PCDHGB3: variants seen among roughly 807,000 people sequenced by gnomAD.
PCDHGB3 encodes the protein protocadherin gamma subfamily B, 3, also known as protocadherin gamma-B3.
In PCDHGB3, 40 loss-of-function variants were observed where a neutral mutation model predicts 59.2. The observed-to-expected ratio is 0.68, with a 90% CI of 0.52 to 0.88. The LOEUF is 0.88. Among genes scored for constraint, PCDHGB3 ranks in the 40% least tolerant of loss-of-function variants. PCDHGB3 has a pLI of 0.00. For missense variants in PCDHGB3, 1,309 were observed against 1,187.9 expected (o/e 1.10, Z -1.50); for synonymous variants, 581 against 503.6 (o/e 1.15, Z -2.06).
chr5:141,372,783 C>T lies in PCDHGB3; in HGVS notation c.2389C>T (p.Pro797Ser), dbSNP rs1324941616. The change falls in exon 1 of 4, where the codon CCT becomes TCT. Residue 797 changes from proline to serine, a missense_variant. Pro to Ser is a moderately conservative substitution (Grantham distance 74, BLOSUM62 -1). Coordinates refer to ENST00000576222, the MANE Select transcript of PCDHGB3 (RefSeq NM_018924.5). ...TGAAAGTAATGACAATCCAGAAATG[C>T]CTTCTAATTCAGGCAATTTGCAAAA... ...WFESNDNPEMPSNSGNLQKQA... is the reference protein window; with the variant it reads ...WFESNDNPEMSSNSGNLQKQA... 5.0e-6 allele frequency: 8 copies of T among 1,606,014 alleles called. No homozygotes were observed. Among genetic ancestry groups the T allele is most frequent in the African/African-American group, 1.3e-5 (1 of 74,834 alleles).
intron 1 of PCDHGB3, chr5:141,374,319 C>A: frequency 6.2e-7 from 1 of 1,613,942 alleles, no homozygotes; most frequent in Non-Finnish European, 8.5e-7. Flanking sequence ...TCTCTGAATC[C>A]GCGAAACGGC....
In PCDHGB3 at chr5:141,395,547, TGTGTGTGTGTGTGTG is replaced by T. The variant is rs2093269943; in HGVS notation, c.2415+22739_2415+22753del. On this transcript the variant is annotated intron_variant, in intron 1 of 3. Coordinates refer to ENST00000576222, the MANE Select transcript of PCDHGB3 (RefSeq NM_018924.5). ...ACTGGTAATTTTGCTATTGTTTGTG[TGTGTGTGTGTGTGTG>T]TGTGTGTGTGTGTGTGTGTGTGTGT... 2.2e-3 allele frequency: 375 copies of T among 174,268 alleles called. 18 individuals carry two copies. The highest frequency in any genetic ancestry group is 5.2e-3 in the East Asian group (33 of 6,366). 10.8% of individuals were successfully genotyped at this position (174,268 alleles called of 1,614,324 possible). A position where few individuals can be genotyped will look rare whatever the true frequency, so the allele number is the denominator to read the frequency against.
At chr5:141,459,300 A>G (rs954766370) in intron 1 of PCDHGB3, among the ~76,000 whole-genome samples, 2 of 152,202 alleles carry the variant, frequency 1.3e-5, no homozygotes, top group Non-Finnish European at 2.9e-5. Context: ...ATCCTATAAC[A>G]TATACTATTT....
chr5:141,393,938 C>T lies in PCDHGB3; in HGVS notation c.2415+21129C>T, dbSNP rs537803893. The T allele has an allele frequency of 1.5e-5, 25 of 1,613,934 alleles. No homozygotes were observed. In the African/African-American group the frequency reaches 2.4e-4, roughly 15 times the overall value. ...CCTTCTTGAGTGTGCATGACCAAGA[C>T]TCTGGAAAGAATGGTCAAGTTGTCT... On this transcript the variant is annotated intron_variant, in intron 1 of 3. Transcript: ENST00000576222.
chr5:141,495,470 C>A (rs2099761615), intron 2 of PCDHGB3, among the ~76,000 whole-genome samples: 1 of 152,196 alleles, frequency 6.6e-6, no homozygotes, highest in African/African-American at 2.4e-5. Flanking sequence ...GTGGGGTCTC[C>A]GTGTCTCTGC....
chr5:141,377,672 C>G (rs529772336), intron 1 of PCDHGB3: 1 of 151,784 alleles, frequency 6.6e-6, no homozygotes, highest in East Asian at 1.9e-4. Context: ...GACGTTCATA[C>G]AAGAGATCTT....
intron 1 of PCDHGB3, among the ~76,000 whole-genome samples, chr5:141,473,413 G>A (rs1282997381): frequency 6.6e-6 from 1 of 152,156 alleles, no homozygotes; most frequent in Non-Finnish European, 1.5e-5. Context: ...CTTCTTCAGT[G>A]GGGGAAGCAG....
rs560582745 is a variant in PCDHGB3 at position 141,399,792 on chromosome 5, A to C, written c.2415+26983A>C. On this transcript the variant is annotated intron_variant, in intron 1 of 3. Transcript: ENST00000576222. ...TGGTGGGCGACCGAAACGACAACGCACCGCGGGTGCTGTACCCCGCGCTGG... is the reference window on the plus strand; with the variant it reads ...TGGTGGGCGACCGAAACGACAACGCCCCGCGGGTGCTGTACCCCGCGCTGG... 8 of 1,613,146 alleles carry C rather than the reference A, an allele frequency of 5.0e-6. No homozygotes were observed. The South Asian group carries it at 8.8e-5, about 18-fold the overall frequency.
At chr5:141,415,274 C>T (rs775112066) in intron 1 of PCDHGB3, 19 of 1,614,086 alleles carry the variant, frequency 1.2e-5, no homozygotes, top group Admixed American at 1.0e-4. Context: ...CTGGTGGTAG[C>T]GGTGGCCGCG....
At chr5:141,394,268 C>G in intron 1 of PCDHGB3, 1 of 1,613,946 alleles carries the variant, frequency 6.2e-7, no homozygotes, top group African/African-American at 1.3e-5. Flanking sequence ...AGGAGAATGC[C>G]CAGGTCACTT....
chr5:141,419,037 A>G, intron 1 of PCDHGB3: 1 of 1,613,972 alleles, frequency 6.2e-7, no homozygotes, highest in Middle Eastern at 1.6e-4. Flanking sequence ...GTTCCATTTA[A>G]GATTCATTCT....
intron 1 of PCDHGB3, chr5:141,382,996 T>C (rs1296495835): frequency 6.2e-7 from 1 of 1,613,724 alleles, no homozygotes; most frequent in East Asian, 2.2e-5. Context: ...ACGTATTCTC[T>C]ACTCCGTGTC....
In PCDHGB3 at chr5:141,476,839, G is replaced by T; in HGVS notation, c.2416-17968G>T. The T allele has an allele frequency of 1.9e-6, 3 of 1,613,610 alleles. No individual in the cohort carries two copies. Among genetic ancestry groups the T allele is most frequent in the East Asian group, 2.2e-5 (1 of 44,862 alleles). ...AGGTGCTGGACGCGAATGACAATGC[G>T]CCTGTCTTCAACCAGTCCTTGTACC... On this transcript the variant is annotated intron_variant, in intron 1 of 3. Coordinates refer to ENST00000576222, the MANE Select transcript of PCDHGB3 (RefSeq NM_018924.5). This position sits in a 1 kb window ranked among gnomAD's most constrained non-coding sequence, Gnocchi z 7.6.
At chr5:141,409,325 G>A (rs2095255437) in intron 1 of PCDHGB3, 1 of 1,613,984 alleles carries the variant, frequency 6.2e-7, no homozygotes, top group Non-Finnish European at 8.5e-7. Context: ...ACGGGATCTG[G>A]ATTTCGGAGG....
Position 141,432,410 on chromosome 5 carries a change from T to C in PCDHGB3, c.2415+59601T>C. On this transcript the variant is annotated intron_variant, in intron 1 of 3. Transcript: ENST00000576222. This position sits in a 1 kb window ranked among gnomAD's most constrained non-coding sequence, Gnocchi z 6.0. The stretch of plus-strand genomic sequence containing the variant: ...CAGCAGCAACGTGTCGTTGAGCCTG[T>C]TCGTGCTGGACCAGAACGACAATGC... 6.2e-7 allele frequency: 1 copy of C among 1,614,228 alleles called. No homozygotes were observed. Among genetic ancestry groups the C allele is most frequent in the East Asian group, 2.2e-5 (1 of 44,884 alleles).
At chr5:141,422,849 C>G in intron 1 of PCDHGB3, 1 of 1,614,238 alleles carries the variant, frequency 6.2e-7, no homozygotes, top group East Asian at 2.2e-5. Flanking sequence ...AGCGGGGACC[C>G]GCCCCTCAGC....
At chr5:141,453,001 G>C (rs1225973632) in intron 1 of PCDHGB3, among the ~76,000 whole-genome samples, 3 of 152,168 alleles carry the variant, frequency 2.0e-5, no homozygotes, top group African/African-American at 7.2e-5. Flanking sequence ...AAAGTTACCT[G>C]TAGTATAGTT....
Position 141,476,441 on chromosome 5 carries a change from GAGTTGGT to G in PCDHGB3, c.2416-18362_2416-18356del. 3 of 1,614,160 alleles carry G rather than the reference GAGTTGGT, an allele frequency of 1.9e-6. No homozygotes were observed. The South Asian group carries it at 3.3e-5, about 18-fold the overall frequency. ...ACTGCCCTCTTGCACTGTAACTCTG[GAGTTGGT>G]AGTGGAGAACCCGCTGGAGCTGTTC... On this transcript the variant is annotated intron_variant, in intron 1 of 3. Transcript: ENST00000576222. The surrounding 1 kb of genome is among the most constrained non-coding windows in gnomAD (Gnocchi z 7.6).
In PCDHGB3 at chr5:141,371,350, T is replaced by C; in HGVS notation, c.956T>C (p.Val319Ala). ...GAGAGAGATAGCTACACAATTGGGG[T>C]GGAAGCAAAGGATGGTGGACATCAC... is the stretch of plus-strand genomic sequence containing the variant. ...FEERDSYTIG[V>A]EAKDGGHHTA... Residue 319 changes from valine to alanine, a missense_variant, in exon 1 of 4, where the codon GTG becomes GCG. By Grantham distance (64) the Val-to-Ala change is moderately conservative. Transcript: ENST00000576222. 6.2e-7 allele frequency: 1 copy of C among 1,613,854 alleles called. No homozygotes were observed. The highest frequency in any genetic ancestry group is 8.5e-7 in the Non-Finnish European group (1 of 1,179,872).
Sources: gnomAD v4.1 joint callset for allele counts (sites outside exome capture counted in the v4.1 genomes callset) on GRCh38, gnomAD v4.1.1 for gene constraint, Gnocchi (gnomAD v3.1) non-coding constraint, MANE v1.5 for transcripts, NCBI Gene and HGNC (gene_info 2026-07-23, HGNC 2026-07-21) for gene names.